Variants in PGM2L1 observed in about 807,000 individuals in gnomAD.
PGM2L1 encodes glucose 1,6-bisphosphate synthase.
PGM2L1 carries 35 observed loss-of-function variants against 73.4 expected under a neutral mutation model. That is an observed-to-expected ratio of 0.48 (90% CI 0.36 to 0.63). The LOEUF is 0.63. Among genes scored for constraint, PGM2L1 ranks in the 30% least tolerant of loss-of-function variants. PGM2L1 has a pLI of 0.00. For synonymous variants in PGM2L1, 225 were observed against 253.8 expected (o/e 0.89, Z 1.08); for missense variants, 570 against 742.0 (o/e 0.77, Z 2.69).
At chr11:74,378,229 G>C (rs1862885523) in intron 1 of PGM2L1, among the ~76,000 whole-genome samples, 1 of 152,074 alleles carries the variant, frequency 6.6e-6, no homozygotes, top group African/African-American at 2.4e-5. Flanking sequence ...TTGAACTAGG[G>C]AGGCAGAGGT....
At chr11:74,354,679 G>T in intron 5 of PGM2L1, 5 of 1,121,480 alleles carry the variant, frequency 4.5e-6, no homozygotes, top group Non-Finnish European at 6.7e-6. Flanking sequence ...ACACAAGGTG[G>T]ATGGAAGAGT....
chr11:74,388,578 AAC>A (rs1271764649), intron 1 of PGM2L1, among the ~76,000 whole-genome samples: 1 of 152,196 alleles, frequency 6.6e-6, no homozygotes, highest in Middle Eastern at 3.2e-3. Context: ...CACAACATAA[AAC>A]CATTACTTAC....
chr11:74,371,625 T>G lies in PGM2L1; in HGVS notation c.386+86A>C, dbSNP rs1047597237. 3.2e-5 allele frequency: 34 copies of G among 1,074,120 alleles called. No individual in the cohort carries two copies. The Admixed American group carries it at 3.3e-4, about 10-fold the overall frequency. The allele number at this position is 1,074,120 out of a possible 1,614,324, so 66.5% of individuals were successfully genotyped here. A position where few individuals can be genotyped will look rare whatever the true frequency, so the allele number is the denominator to read the frequency against. On this transcript the variant is annotated intron_variant, in intron 3 of 13. Coordinates refer to ENST00000298198, the MANE Select transcript of PGM2L1 (RefSeq NM_173582.6). ...CATTTCTATCTGACAGTCTACTGTT[T>G]CAGAAATCCTACTACTAGACAAAAA...
Position 74,345,651 on chromosome 11 carries a change from T to C in PGM2L1, c.1038-2A>G, listed in dbSNP as rs374522009. 2 of 1,612,664 alleles carry C rather than the reference T, an allele frequency of 1.2e-6. No individual in the cohort carries two copies. The highest frequency in any genetic ancestry group is 1.7e-6 in the Non-Finnish European group (2 of 1,179,154). ...CCTGTGAAAACTTTCCAACAACCAC[T>C]GTAGAGAGAAGGAAAATACAATGTC... On this transcript the variant is annotated splice_acceptor_variant, in intron 8 of 13. Coordinates refer to ENST00000298198, the MANE Select transcript of PGM2L1 (RefSeq NM_173582.6). LOFTEE classifies it high-confidence loss of function.
At chr11:74,368,828 C>CT (rs893541020) in intron 4 of PGM2L1, among the ~76,000 whole-genome samples, 3 of 151,898 alleles carry the variant, frequency 2.0e-5, no homozygotes, top group Admixed American at 6.6e-5. Flanking sequence ...ATTTTAAAAT[C>CT]TTTTTTTTCC....
intron 5 of PGM2L1, chr11:74,354,824 A>C: frequency 1.3e-6 from 1 of 745,616 alleles, no homozygotes; most frequent in Non-Finnish European, 2.3e-6. Context: ...TTTGAACAGT[A>C]TGGGAAAAAA....
At chr11:74,336,869 A>T (rs1389792758) in intron 13 of PGM2L1, 115 bp from the exon 14 acceptor site, 3 of 674,296 alleles carry the variant, frequency 4.4e-6, no homozygotes, top group Middle Eastern at 4.2e-4. Context: ...TTGGTAAACA[A>T]AAGAGAAATT....
intron 5 of PGM2L1, among the ~76,000 whole-genome samples, chr11:74,353,393 T>G (rs1195263717): frequency 1.3e-5 from 2 of 151,932 alleles, no homozygotes; most frequent in African/African-American, 4.8e-5. Flanking sequence ...GAGGGGGATT[T>G]GGCAGGGTCA....
rs77817589 is a variant in PGM2L1, at chr11:74,338,763, G to A, written c.1633-162C>T. 0.028 allele frequency among the ~76,000 whole-genome samples: 4,268 copies of A among 152,272 alleles called. 115 individuals are homozygous for A. Among genetic ancestry groups the A allele is most frequent in the African/African-American group, 0.067 (2,774 of 41,546 alleles). ...GGCAGTTGCCAAGGCAGGGGGTATA[G>A]GGAGTTATTGCTTAAAGGATAGAGA... On this transcript the variant is annotated intron_variant, in intron 12 of 13. Transcript: ENST00000298198.
intron 1 of PGM2L1, among the ~76,000 whole-genome samples, chr11:74,379,572 T>A (rs921571105): frequency 6.6e-6 from 1 of 152,084 alleles, no homozygotes; most frequent in Non-Finnish European, 1.5e-5. Flanking sequence ...CTCAAAAACA[T>A]GAATCGTATT....
chr11:74,393,884 C>T (rs984516050), intron 1 of PGM2L1, among the ~76,000 whole-genome samples: 7 of 151,888 alleles, frequency 4.6e-5, no homozygotes, highest in Non-Finnish European at 1.0e-4. Flanking sequence ...AGAAAATTCA[C>T]AATGGATAAA....
intron 9 of PGM2L1, among the ~76,000 whole-genome samples, chr11:74,343,871 C>T (rs927314511): frequency 1.3e-5 from 2 of 148,824 alleles, no homozygotes; most frequent in Non-Finnish European, 1.5e-5. Flanking sequence ...CTCCGTCTCC[C>T]AGGTTCAAGC....
In PGM2L1 at chr11:74,335,496, C is replaced by T. The variant is rs1862082102; in HGVS notation, c.*1156G>A. ...AATAGTCATGCAATCAGAAATTCTA[C>T]AGAAGTCAGCAAGATGTTAGAATAA... On this transcript the variant is annotated 3_prime_UTR_variant, in exon 14 of 14. Transcript: ENST00000298198. 1 of 152,196 alleles carries T rather than the reference C, an allele frequency of 6.6e-6. No individual in the cohort carries two copies. 9.4% of individuals were successfully genotyped at this position (152,196 alleles called of 1,614,324 possible).
rs896884077 is a variant in PGM2L1 at position 74,397,970 on chromosome 11, C to T, written c.111+81G>A. ...GTCCCGAGCCATCTCCTCTGCAGCC[C>T]GCGGGGCGCTGGGTGGGCACAGGAA... On this transcript the variant is annotated intron_variant, in intron 1 of 13. Transcript: ENST00000298198. The T allele has an allele frequency of 2.8e-6, 4 of 1,444,520 alleles. No individual in the cohort carries two copies. The African/African-American group carries it at 5.7e-5, about 21-fold the overall frequency. 89.5% of individuals were successfully genotyped at this position (1,444,520 alleles called of 1,614,324 possible).
intron 12 of PGM2L1, among the ~76,000 whole-genome samples, chr11:74,341,070 CATT>C (rs1163462432): frequency 6.6e-6 from 1 of 152,172 alleles, no homozygotes; most frequent in Middle Eastern, 3.2e-3. Context: ...TTATTTTCAA[CATT>C]ATCTAGCATC....
chr11:74,379,099 T>C (rs904510287), intron 1 of PGM2L1, among the ~76,000 whole-genome samples: 4 of 152,098 alleles, frequency 2.6e-5, no homozygotes, highest in African/African-American at 7.2e-5. Context: ...AAGAAATAAG[T>C]TTTATTTGGC....
At chr11:74,347,939 T>C (rs547407353) in intron 6 of PGM2L1, among the ~76,000 whole-genome samples, 16 of 152,324 alleles carry the variant, frequency 1.1e-4, no homozygotes, top group African/African-American at 2.2e-4. Flanking sequence ...CTTACTTTTT[T>C]ACTCTCCAAG....
chr11:74,381,882 C>T (rs1475319339), intron 1 of PGM2L1, among the ~76,000 whole-genome samples: 1 of 151,986 alleles, frequency 6.6e-6, no homozygotes, highest in African/African-American at 2.4e-5. Context: ...TATCTATACC[C>T]AGCACGCTAA....
chr11:74,390,170 GA>G lies in PGM2L1; in HGVS notation c.111+7880del, dbSNP rs11408369. ...AAGTAAACAAACAGCTTTTATGAAA[GA>G]AAAAAAAAAAAACAGGGCAAAGAAG... On this transcript the variant is annotated intron_variant, in intron 1 of 13. Coordinates refer to ENST00000298198, the MANE Select transcript of PGM2L1 (RefSeq NM_173582.6). Among the ~76,000 whole-genome samples the G allele has an allele frequency of 3.3e-3, 456 of 138,888 alleles. 6 individuals carry two copies. Among genetic ancestry groups the G allele is most frequent in the African/African-American group, 0.011 (432 of 37,758 alleles). The allele number at this position is 138,888 out of a possible 152,430, so 91.1% of individuals were successfully genotyped here.
Sources: gnomAD v4.1 joint callset for allele counts (sites outside exome capture counted in the v4.1 genomes callset) on GRCh38, gnomAD v4.1.1 for gene constraint, MANE v1.5 for transcripts, NCBI Gene and HGNC (gene_info 2026-07-23, HGNC 2026-07-21) for gene names.